TEAD1: variants seen among roughly 807,000 people sequenced by gnomAD.
TEAD1 encodes TEA domain transcription factor 1.
TEAD1 carries 9 observed loss-of-function variants against 54.9 expected under a neutral mutation model. The observed-to-expected ratio is 0.16, with a 90% CI of 0.10 to 0.29. The LOEUF (loss-of-function observed/expected upper bound fraction) is 0.29, where lower values mean the gene tolerates loss of function less well. TEAD1 is among the 10% of genes least tolerant of loss of function. TEAD1 has a pLI of 1.00. For synonymous variants in TEAD1, 200 were observed against 187.8 expected (o/e 1.07, Z -0.53); for missense variants, 387 against 535.9 (o/e 0.72, Z 2.74).
At chr11:12,748,879 G>A (rs538337175) in intron 2 of TEAD1, among the ~76,000 whole-genome samples, 1 of 152,002 alleles carries the variant, frequency 6.6e-6, no homozygotes, top group South Asian at 2.1e-4. Flanking sequence ...GGGGACTGGG[G>A]GTCAAATGGA....
intron 3 of TEAD1, among the ~76,000 whole-genome samples, chr11:12,786,649 T>G (rs1282109507): frequency 1.3e-5 from 2 of 152,212 alleles, no homozygotes; most frequent in Non-Finnish European, 2.9e-5. Flanking sequence ...CAGTAGATGC[T>G]TATTGAGTGC....
Position 12,944,355 on chromosome 11 carries a change from T to C in TEAD1, c.*7133T>C, listed in dbSNP as rs1949188662. On this transcript the variant is annotated 3_prime_UTR_variant, in exon 13 of 13. Coordinates refer to ENST00000527636, the MANE Select transcript of TEAD1 (RefSeq NM_021961.6). ...TCTTGTATTTGTTAACGTCTGTGTT[T>C]AGGTACTGGTACCTTTTTGTTTTAA... The C allele has an allele frequency of 6.6e-6, 1 of 152,656 alleles. No homozygotes were observed. Among genetic ancestry groups the C allele is most frequent in the Non-Finnish European group, 1.5e-5 (1 of 68,042 alleles). The allele number at this position is 152,656 out of a possible 1,614,324, so 9.5% of individuals were successfully genotyped here. A position where few individuals can be genotyped will look rare whatever the true frequency, so the allele number is the denominator to read the frequency against.
intron 10 of TEAD1, among the ~76,000 whole-genome samples, chr11:12,911,441 C>T (rs1016909744): frequency 3.3e-5 from 5 of 152,160 alleles, no homozygotes; most frequent in African/African-American, 4.8e-5. Context: ...AATACGAAAT[C>T]GTTTGCTTTC....
chr11:12,894,464 G>A (rs1049582150), intron 9 of TEAD1, among the ~76,000 whole-genome samples: 1 of 152,128 alleles, frequency 6.6e-6, no homozygotes, highest in Admixed American at 6.5e-5. Context: ...GACCACTGTT[G>A]GAAGTTGTAC....
At chr11:12,887,768 T>A (rs899477762) in intron 9 of TEAD1, among the ~76,000 whole-genome samples, 1 of 152,210 alleles carries the variant, frequency 6.6e-6, no homozygotes, top group Non-Finnish European at 1.5e-5. Context: ...TAAACTCAGC[T>A]GATACATTTT....
In TEAD1 at chr11:12,825,040, T is replaced by C. The variant is rs532413279; in HGVS notation, c.203-37210T>C. Among the ~76,000 whole-genome samples, 5 of 152,374 alleles carry C rather than the reference T, an allele frequency of 3.3e-5. No homozygotes were observed. The East Asian group carries it at 9.6e-4, about 29-fold the overall frequency. On this transcript the variant is annotated intron_variant, in intron 3 of 12. Coordinates refer to ENST00000527636, the MANE Select transcript of TEAD1 (RefSeq NM_021961.6). ...ACACTCATTTTTTAAAGTTTCTAAG[T>C]ACGTTTTTTATTTGTATGTGATCAT...
At chr11:12,920,756 G>A (rs867165993) in intron 10 of TEAD1, among the ~76,000 whole-genome samples, 64 of 152,286 alleles carry the variant, frequency 4.2e-4, no homozygotes, top group Middle Eastern at 6.8e-3. Context: ...TCAAAGCTAG[G>A]AATTTAAAGT....
At chr11:12,698,753 T>C (rs1054002119) in intron 2 of TEAD1, among the ~76,000 whole-genome samples, 11 of 152,132 alleles carry the variant, frequency 7.2e-5, no homozygotes, top group Non-Finnish European at 1.3e-4. Context: ...CCTGCTGAAT[T>C]AGAATCTGCA....
chr11:12,905,393 G>T (rs1229268782), intron 10 of TEAD1, among the ~76,000 whole-genome samples: 6 of 152,124 alleles, frequency 3.9e-5, no homozygotes, highest in African/African-American at 9.7e-5. Flanking sequence ...ATTAAGATTT[G>T]CAGAATTAAA....
At chr11:12,831,450 G>A (rs1276541366) in intron 3 of TEAD1, among the ~76,000 whole-genome samples, 2 of 152,080 alleles carry the variant, frequency 1.3e-5, no homozygotes, top group African/African-American at 4.8e-5. Context: ...TTGTCTTTGT[G>A]TCTTAAAAAT....
intron 2 of TEAD1, among the ~76,000 whole-genome samples, chr11:12,731,596 C>T (rs1260649307): frequency 6.6e-6 from 1 of 151,874 alleles, no homozygotes; most frequent in African/African-American, 2.4e-5. Context: ...TAATTTATTC[C>T]CGCTTATCAG....
At chr11:12,910,179 A>C (rs1948593015) in intron 10 of TEAD1, among the ~76,000 whole-genome samples, 1 of 152,242 alleles carries the variant, frequency 6.6e-6, no homozygotes. Flanking sequence ...TGATTCAGTC[A>C]TGCATCCCGA....
intron 7 of TEAD1, 46 bp from the exon 8 acceptor site, chr11:12,881,850 T>A: frequency 1.9e-6 from 3 of 1,601,826 alleles, no homozygotes; most frequent in Non-Finnish European, 2.6e-6. Flanking sequence ...TAGCCCCTGC[T>A]GCAGATGCGA....
chr11:12,680,106 A>T (rs1432279280), intron 2 of TEAD1, among the ~76,000 whole-genome samples: 1 of 152,246 alleles, frequency 6.6e-6, no homozygotes, highest in Admixed American at 6.5e-5. Context: ...CTTTTATACC[A>T]ACCAAGCCTT....
intron 3 of TEAD1, among the ~76,000 whole-genome samples, chr11:12,790,901 T>C (rs1334066405): frequency 1.3e-5 from 2 of 152,222 alleles, no homozygotes; most frequent in African/African-American, 4.8e-5. Flanking sequence ...GACTTATGCA[T>C]TGCTGATGGT....
chr11:12,942,369 G>C lies in TEAD1; in HGVS notation c.*5147G>C, dbSNP rs1294511139. On this transcript the variant is annotated 3_prime_UTR_variant, in exon 13 of 13. Transcript: ENST00000527636. ...CACAGGCCTCTGTTCACAAGAGCAC[G>C]ACGTGGTCCCCGCCTGCTGCTAGTC... The C allele has an allele frequency of 1.3e-5, 2 of 152,306 alleles. No individual in the cohort carries two copies. The highest frequency in any genetic ancestry group is 2.9e-5 in the Non-Finnish European group (2 of 68,050). 9.4% of individuals were successfully genotyped at this position (152,306 alleles called of 1,614,324 possible). A position where few individuals can be genotyped will look rare whatever the true frequency, so the allele number is the denominator to read the frequency against.
chr11:12,725,038 T>C (rs1211468858), intron 2 of TEAD1, among the ~76,000 whole-genome samples: 1 of 152,200 alleles, frequency 6.6e-6, no homozygotes, highest in Non-Finnish European at 1.5e-5. Flanking sequence ...TCCCCAGGCC[T>C]GGGCTTGGTG....
chr11:12,920,184 C>T (rs1948778528), intron 10 of TEAD1, among the ~76,000 whole-genome samples: 1 of 152,180 alleles, frequency 6.6e-6, no homozygotes, highest in African/African-American at 2.4e-5. Flanking sequence ...AAAAATGCGT[C>T]AGATCTGCTA....
At chr11:12,732,427 T>A (rs529466922) in intron 2 of TEAD1, among the ~76,000 whole-genome samples, 6 of 152,290 alleles carry the variant, frequency 3.9e-5, no homozygotes, top group Admixed American at 3.3e-4. Flanking sequence ...GAATATATAT[T>A]TTTTTGATTT....
Sources: gnomAD v4.1 joint callset for allele counts (sites outside exome capture counted in the v4.1 genomes callset) on GRCh38, gnomAD v4.1.1 for gene constraint, MANE v1.5 for transcripts, NCBI Gene and HGNC (gene_info 2026-07-23, HGNC 2026-07-21) for gene names.